CYB5A: variants seen among roughly 807,000 people sequenced by gnomAD.
CYB5A encodes the protein cytochrome b5 type A.
CYB5A carries 10 observed loss-of-function variants against 16.2 expected under a neutral mutation model. The ratio of observed to expected loss-of-function variants is 0.62; its 90% CI spans 0.38 to 1.04. The LOEUF is 1.04. CYB5A is among the 50% of genes least tolerant of loss of function. The pLI is 0.01. For missense variants in CYB5A, 161 were observed against 165.9 expected, an observed-to-expected ratio of 0.97 and a Z score of 0.16; for synonymous variants, 62 against 57.0, an observed-to-expected ratio of 1.09 and a Z score of -0.40.
chr18:74,257,849 G>A (rs901775775), intron 3 of CYB5A: 2 of 152,298 alleles, frequency 1.3e-5, no homozygotes, highest in Admixed American at 6.5e-5. Flanking sequence ...CCCGGGAGGT[G>A]GATGGTGCAG....
intron 1 of CYB5A, among the ~76,000 whole-genome samples, chr18:74,276,323 C>T (rs112158782): frequency 0.01 from 1,541 of 152,080 alleles, 6 homozygotes; most frequent in South Asian, 0.037. Flanking sequence ...TTCCCCCCAC[C>T]TTTTTTTCTG....
intron 2 of CYB5A, 127 bp downstream of exon 2, chr18:74,263,222 C>T: frequency 8.2e-7 from 1 of 1,214,200 alleles, no homozygotes; most frequent in African/African-American, 1.5e-5. Context: ...AAAATGGTGT[C>T]CTAAAATCAG....
chr18:74,289,997 T>C (rs1307369473), intron 1 of CYB5A, among the ~76,000 whole-genome samples: 2 of 152,178 alleles, frequency 1.3e-5, no homozygotes, highest in East Asian at 3.8e-4. Flanking sequence ...TAATATTCTC[T>C]TATGCTACTT....
rs892316795 is a variant in CYB5A, at chr18:74,256,901, A to G, written c.289-1126T>C. ...GTAAGTCATTTAAAAATAAAATTGC[A>G]AATTTATTATCTATTCCAGCAATTT... is the stretch of plus-strand genomic sequence containing the variant. On this transcript the variant is annotated intron_variant, in intron 3 of 4. Transcript: ENST00000340533. The G allele has an allele frequency of 2.6e-6, 4 of 1,515,150 alleles. No individual in the cohort carries two copies. In the Admixed American group the frequency reaches 6.7e-5, roughly 25 times the overall value. 93.9% of individuals were successfully genotyped at this position (1,515,150 alleles called of 1,614,324 possible). A position where few individuals can be genotyped will look rare whatever the true frequency, so the allele number is the denominator to read the frequency against.
At chr18:74,265,058 C>T (rs1982381109) in intron 1 of CYB5A, among the ~76,000 whole-genome samples, 1 of 152,190 alleles carries the variant, frequency 6.6e-6, no homozygotes, top group Non-Finnish European at 1.5e-5. Context: ...ACCGGTCTCC[C>T]TTGCAGAGTC....
At chr18:74,276,568 C>T (rs1982888390) in intron 1 of CYB5A, among the ~76,000 whole-genome samples, 1 of 137,028 alleles carries the variant, frequency 7.3e-6, no homozygotes, top group Non-Finnish European at 1.6e-5. Flanking sequence ...ACACACCCTT[C>T]TGTCAGGGTT....
intron 1 of CYB5A, among the ~76,000 whole-genome samples, chr18:74,283,119 A>C (rs893621604): frequency 1.1e-4 from 17 of 152,282 alleles, no homozygotes; most frequent in African/African-American, 4.1e-4. Flanking sequence ...CTCAGCTTGG[A>C]GGAGAAAGAT....
chr18:74,256,510 G>A (rs186762748), intron 3 of CYB5A: 48 of 379,614 alleles, frequency 1.3e-4, no homozygotes, highest in Non-Finnish European at 1.8e-4. Context: ...CAATGGTTCT[G>A]GAAAAACGCA....
At chr18:74,261,374 T>G in intron 2 of CYB5A, 1 of 215,530 alleles carries the variant, frequency 4.6e-6, no homozygotes, top group East Asian at 1.1e-4. Flanking sequence ...AGTCATAAAC[T>G]ATTTCAACTT....
chr18:74,264,438 T>C (rs968254826), intron 1 of CYB5A, among the ~76,000 whole-genome samples: 58 of 152,012 alleles, frequency 3.8e-4, no homozygotes, highest in Admixed American at 3.3e-3. Flanking sequence ...GACATCTTAG[T>C]CTAAGTGTGG....
intron 1 of CYB5A, among the ~76,000 whole-genome samples, chr18:74,288,261 C>A (rs1983392968): frequency 6.6e-6 from 1 of 152,238 alleles, no homozygotes; most frequent in Admixed American, 6.5e-5. Flanking sequence ...GATCCCTCCA[C>A]CATCTCACCA....
intron 1 of CYB5A, among the ~76,000 whole-genome samples, chr18:74,273,036 C>T (rs1279021621): frequency 1.3e-5 from 2 of 152,146 alleles, no homozygotes; most frequent in African/African-American, 4.8e-5. Context: ...ATGTGAGAAA[C>T]ACAGTTGTAA....
chr18:74,261,143 T>C (rs1982183437), intron 2 of CYB5A, 199 bp from the exon 3 acceptor site: 2 of 549,718 alleles, frequency 3.6e-6, no homozygotes, highest in Non-Finnish European at 6.6e-6. Context: ...CAAGAGATAT[T>C]TTCTATCTAG....
rs1029393282 is a variant in CYB5A, at chr18:74,251,635, C to G, written c.*1949G>C. On this transcript the variant is annotated 3_prime_UTR_variant, in exon 5 of 5. Coordinates refer to ENST00000340533, the MANE Select transcript of CYB5A (RefSeq NM_148923.4). ...AGCAGCAGATGAAAAGAAAGGGCAG[C>G]CTCTGAAGTCTCTCACCTCTCTGAA... The G allele has an allele frequency of 6.6e-6, 1 of 152,108 alleles. No individual in the cohort carries two copies. The highest frequency in any genetic ancestry group is 2.4e-5 in the African/African-American group (1 of 41,414). The allele number at this position is 152,108 out of a possible 1,614,324, so 9.4% of individuals were successfully genotyped here.
intron 1 of CYB5A, among the ~76,000 whole-genome samples, chr18:74,270,130 C>T (rs1042200145): frequency 9.9e-5 from 15 of 151,934 alleles, no homozygotes; most frequent in African/African-American, 3.1e-4. Context: ...ACTCGGTCCC[C>T]ATCTCAGAAC....
intron 1 of CYB5A, among the ~76,000 whole-genome samples, chr18:74,290,547 G>C (rs1002022006): frequency 6.6e-6 from 1 of 152,134 alleles, no homozygotes; most frequent in Non-Finnish European, 1.5e-5. Context: ...GCTTGGCCCA[G>C]CCTCATTTTT....
At chr18:74,279,814 TTTTATA>T (rs1388109805) in intron 1 of CYB5A, among the ~76,000 whole-genome samples, 8 of 152,234 alleles carry the variant, frequency 5.3e-5, no homozygotes, top group African/African-American at 1.9e-4. Context: ...CTTTCTAGTA[TTTTATA>T]TTTATAAACT....
chr18:74,263,556 C>A, intron 1 of CYB5A, 79 bp from the exon 2 acceptor site: 2 of 1,279,012 alleles, frequency 1.6e-6, no homozygotes, highest in South Asian at 1.2e-5. Context: ...TTTATTTAAC[C>A]AAACAGGTGA....
intron 1 of CYB5A, among the ~76,000 whole-genome samples, chr18:74,284,233 CAAAAA>C (rs1308439463): frequency 1.4e-5 from 1 of 73,086 alleles, no homozygotes. Context: ...ACTCCATCTC[CAAAAA>C]AAAAAAAAAA....
Sources: gnomAD v4.1 joint callset for allele counts (sites outside exome capture counted in the v4.1 genomes callset) on GRCh38, gnomAD v4.1.1 for gene constraint, MANE v1.5 for transcripts, NCBI Gene and HGNC (gene_info 2026-07-23, HGNC 2026-07-21) for gene names.